The following FARS2 variants were observed in gnomAD, a reference collection of about 807,000 sequenced individuals.
FARS2 encodes phenylalanine--tRNA ligase, mitochondrial.
Under a neutral mutation model 46.4 loss-of-function variants are expected in FARS2, and 40 were observed. The observed-to-expected ratio is 0.86, with a 90% CI of 0.67 to 1.12. FARS2 has a LOEUF of 1.12. FARS2 is among the 50% of genes most tolerant of loss of function. The pLI is 0.00. For synonymous variants in FARS2, 234 were observed against 214.9 expected (o/e 1.09, Z -0.78); for missense variants, 513 against 567.9 (o/e 0.90, Z 0.98).
chr6:5,745,015 A>G (rs1761556348), intron 6 of FARS2, among the ~76,000 whole-genome samples: 1 of 152,214 alleles, frequency 6.6e-6, no homozygotes, highest in Non-Finnish European at 1.5e-5. Flanking sequence ...AGGAAAAGTC[A>G]TGGTGTTTAT....
At chr6:5,592,149 C>A (rs2150606142) in intron 5 of FARS2, among the ~76,000 whole-genome samples, 1 of 152,218 alleles carries the variant, frequency 6.6e-6, no homozygotes, top group African/African-American at 2.4e-5. Context: ...CTTTGGGAGG[C>A]CAAGGTGGGA....
chr6:5,428,081 A>G (rs1762950128), intron 3 of FARS2, among the ~76,000 whole-genome samples: 2 of 152,142 alleles, frequency 1.3e-5, no homozygotes, highest in African/African-American at 4.8e-5. Flanking sequence ...CTCTGCGGAG[A>G]CGCGGCTTCC....
intron 5 of FARS2, among the ~76,000 whole-genome samples, chr6:5,552,579 G>A (rs1412364168): frequency 6.6e-6 from 1 of 152,180 alleles, no homozygotes; most frequent in Non-Finnish European, 1.5e-5. Flanking sequence ...TGATTGATGG[G>A]ACCCTGAGTC....
intron 2 of FARS2, among the ~76,000 whole-genome samples, chr6:5,384,001 A>G (rs920940129): frequency 6.6e-6 from 1 of 152,122 alleles, no homozygotes; most frequent in Non-Finnish European, 1.5e-5. Flanking sequence ...ATGTTGAGAG[A>G]TCATAATTTT....
chr6:5,613,785 T>C (rs964208038), intron 6 of FARS2, among the ~76,000 whole-genome samples: 8 of 152,224 alleles, frequency 5.3e-5, no homozygotes, highest in African/African-American at 1.9e-4. Context: ...TTGGAACTTA[T>C]AGTCTTGTGA....
At chr6:5,676,636 G>A (rs1302866450) in intron 6 of FARS2, among the ~76,000 whole-genome samples, 1 of 152,212 alleles carries the variant, frequency 6.6e-6, no homozygotes, top group African/African-American at 2.4e-5. Context: ...AGTGCTCACA[G>A]CAGTTAAAAG....
At chr6:5,577,138 G>A (rs1160299458) in intron 5 of FARS2, among the ~76,000 whole-genome samples, 1 of 152,062 alleles carries the variant, frequency 6.6e-6, no homozygotes, top group African/African-American at 2.4e-5. Context: ...GTGTGGGTGA[G>A]CAATTCTGAA....
chr6:5,673,887 GACAA>G (rs1778612951), intron 6 of FARS2, among the ~76,000 whole-genome samples: 1 of 152,068 alleles, frequency 6.6e-6, no homozygotes, highest in Non-Finnish European at 1.5e-5. Context: ...TTAGGGACTA[GACAA>G]ACAAGGTGTT....
chr6:5,659,261 A>G (rs1359710491), intron 6 of FARS2, among the ~76,000 whole-genome samples: 1 of 152,216 alleles, frequency 6.6e-6, no homozygotes, highest in Non-Finnish European at 1.5e-5. Context: ...TTTTCAGTCC[A>G]GAGAAACAAC....
At chr6:5,296,234 C>G (rs535011660) in intron 1 of FARS2, among the ~76,000 whole-genome samples, 1 of 143,226 alleles carries the variant, frequency 7.0e-6, no homozygotes, top group Admixed American at 7.3e-5. Flanking sequence ...CTCCGCCTCC[C>G]GGGTTCACAC....
rs1010667775 is a variant in FARS2 at position 5,330,427 on chromosome 6, G to A, written c.-21-38123G>A. 3.3e-5 allele frequency among the ~76,000 whole-genome samples: 5 copies of A among 152,268 alleles called. No homozygotes were observed. The South Asian group carries it at 1.0e-3, about 32-fold the overall frequency. On this transcript the variant is annotated intron_variant, in intron 1 of 6. Transcript: ENST00000274680. ...GGCTCAGTGTTATGTATCCCAAGAGGAAGCTGTGTTTCTTATGCTGGCTCC... is the reference window on the plus strand; with the variant it reads ...GGCTCAGTGTTATGTATCCCAAGAGAAAGCTGTGTTTCTTATGCTGGCTCC...
intron 5 of FARS2, among the ~76,000 whole-genome samples, chr6:5,588,060 A>G (rs554690095): frequency 3.3e-5 from 5 of 152,186 alleles, no homozygotes; most frequent in Non-Finnish European, 4.4e-5. Context: ...TTAACTCCCC[A>G]GTGAAGGTGA....
intron 6 of FARS2, among the ~76,000 whole-genome samples, chr6:5,714,899 C>T (rs567114025): frequency 2.0e-4 from 31 of 152,240 alleles, no homozygotes; most frequent in African/African-American, 7.5e-4. Flanking sequence ...GTGATGGGCG[C>T]CTCTAATCCC....
chr6:5,385,307 G>C (rs1380914534), intron 2 of FARS2, among the ~76,000 whole-genome samples: 3 of 152,130 alleles, frequency 2.0e-5, no homozygotes, highest in Non-Finnish European at 4.4e-5. Flanking sequence ...TTCCTCCAAA[G>C]TGATTTGAAT....
rs376156634 is a variant in FARS2 at position 5,467,012 on chromosome 6, T to C, written c.904+35840T>C. 20 of 985,192 alleles carry C rather than the reference T, an allele frequency of 2.0e-5. No homozygotes were observed. In the East Asian group the frequency reaches 9.1e-4, roughly 45 times the overall value. 61.0% of individuals were successfully genotyped at this position (985,192 alleles called of 1,614,324 possible). ...GTGCAACAGATGTCCTCCTGAGACATTGAATACAAATTAAAGTTTTATAGA... is the reference window on the plus strand; with the variant it reads ...GTGCAACAGATGTCCTCCTGAGACACTGAATACAAATTAAAGTTTTATAGA... On this transcript the variant is annotated intron_variant, in intron 4 of 6. Transcript: ENST00000274680.
At chr6:5,418,031 A>G (rs981471376) in intron 3 of FARS2, among the ~76,000 whole-genome samples, 2 of 151,528 alleles carry the variant, frequency 1.3e-5, no homozygotes, top group South Asian at 2.1e-4. Context: ...TGTATTTTTC[A>G]TCTCATTCAT....
At chr6:5,489,639 G>A (rs1174701429) in intron 4 of FARS2, among the ~76,000 whole-genome samples, 3 of 152,096 alleles carry the variant, frequency 2.0e-5, no homozygotes, top group South Asian at 2.1e-4. Context: ...TACGCACGAC[G>A]CCATTACTTC....
intron 1 of FARS2, among the ~76,000 whole-genome samples, chr6:5,342,020 C>T (rs914974211): frequency 1.3e-5 from 2 of 152,104 alleles, no homozygotes; most frequent in African/African-American, 4.8e-5. Flanking sequence ...ATCACATGAT[C>T]ATATTGGAAA....
At chr6:5,691,393 G>A (rs9392709) in intron 6 of FARS2, among the ~76,000 whole-genome samples, 62,580 of 152,008 alleles carry the variant, frequency 0.41, 13,855 homozygotes, top group Non-Finnish European at 0.5. Flanking sequence ...CTGTTCATTA[G>A]TTTTCCTTCT....
Sources: gnomAD v4.1 joint callset for allele counts (sites outside exome capture counted in the v4.1 genomes callset) on GRCh38, gnomAD v4.1.1 for gene constraint, MANE v1.5 for transcripts, NCBI Gene and HGNC (gene_info 2026-07-23, HGNC 2026-07-21) for gene names.